The following PEX14 variants were observed in gnomAD, a reference collection of about 807,000 sequenced individuals.
PEX14 encodes peroxisomal membrane protein PEX14.
In PEX14, 15 loss-of-function variants were observed where a neutral mutation model predicts 49.5. The observed-to-expected ratio is 0.30, with a 90% CI of 0.20 to 0.47. PEX14 has a LOEUF of 0.47. PEX14 is among the 20% of genes least tolerant of loss of function. The pLI is 1.00. For synonymous variants in PEX14, 210 were observed against 212.7 expected (o/e 0.99, Z 0.11); for missense variants, 398 against 494.8 (o/e 0.80, Z 1.86).
intron 3 of PEX14, among the ~76,000 whole-genome samples, chr1:10,549,126 C>T (rs936232520): frequency 2.6e-5 from 4 of 151,188 alleles, no homozygotes; most frequent in Non-Finnish European, 4.4e-5. Context: ...CATGGTATGT[C>T]AGGAAAAAAA....
chr1:10,548,241 AAAAG>A (rs1172949926), intron 3 of PEX14, among the ~76,000 whole-genome samples: 1 of 152,118 alleles, frequency 6.6e-6, no homozygotes, highest in African/African-American at 2.4e-5. Flanking sequence ...AAACAAAACA[AAAAG>A]AAAAATTTCT....
intron 2 of PEX14, among the ~76,000 whole-genome samples, chr1:10,513,388 G>T (rs1641917226): frequency 6.6e-6 from 1 of 152,208 alleles, no homozygotes. Context: ...AGTCAACATG[G>T]TCTCAGTTCC....
intron 2 of PEX14, among the ~76,000 whole-genome samples, chr1:10,515,731 G>T (rs1330221376): frequency 2.6e-5 from 4 of 152,076 alleles, no homozygotes; most frequent in Non-Finnish European, 1.5e-5. Context: ...CCTTCACCCG[G>T]CTCTGGCTGC....
At chr1:10,520,148 C>CT (rs565247030) in intron 2 of PEX14, among the ~76,000 whole-genome samples, 20,714 of 69,234 alleles carry the variant, frequency 0.3, 2,239 homozygotes, top group South Asian at 0.51. Context: ...CCTTCTTCTT[C>CT]TTTTTTTTTT....
chr1:10,629,630 C>T lies in PEX14; in HGVS notation c.777C>T (p.His259=), dbSNP rs1641852488. ...SPSSPAAVNH[H]SSSDISPVSN... ...CCAGCCCTGCGGCCGTGAACCACCA[C>T]AGCAGCAGCGACATCTCACCTGTCA... The change falls in exon 9 of 9, where the codon CAC becomes CAT. Residue 259 remains histidine, a synonymous_variant. Transcript: ENST00000356607. The surrounding 1 kb of genome is among the most constrained non-coding windows in gnomAD (Gnocchi z 8.5). 1.2e-6 allele frequency: 2 copies of T among 1,613,924 alleles called. No homozygotes were observed. The highest frequency in any genetic ancestry group is 2.7e-5 in the African/African-American group (2 of 75,012).
chr1:10,601,845 G>T (rs1640993638), intron 4 of PEX14, among the ~76,000 whole-genome samples: 1 of 152,226 alleles, frequency 6.6e-6, no homozygotes, highest in Non-Finnish European at 1.5e-5. Context: ...GCCCAGCCGT[G>T]TAATGGGATT....
chr1:10,500,373 CAAAAAAAAAAA>C (rs750781683), intron 2 of PEX14, among the ~76,000 whole-genome samples: 49 of 43,682 alleles, frequency 1.1e-3, no homozygotes, highest in South Asian at 5.9e-3. Context: ...GATTCTGTCT[CAAAAAAAAAAA>C]AAAAAAAAAA....
At chr1:10,520,092 A>G (rs1013620386) in intron 2 of PEX14, among the ~76,000 whole-genome samples, 1 of 150,374 alleles carries the variant, frequency 6.7e-6, no homozygotes, top group East Asian at 2.0e-4. Flanking sequence ...CTCTCACTTC[A>G]GTCTCCCACA....
intron 2 of PEX14, among the ~76,000 whole-genome samples, chr1:10,520,148 C>CTTTTTTTTTTTTTGTT (rs1638232642): frequency 1.4e-5 from 1 of 69,162 alleles, no homozygotes; most frequent in Admixed American, 1.7e-4. Context: ...CCTTCTTCTT[C>CTTTTTTTTTTTTTGTT]TTTTTTTTTT....
rs191938969 is a variant in PEX14, at chr1:10,590,143, T to C, written c.170-9095T>C. Among the ~76,000 whole-genome samples the C allele has an allele frequency of 4.7e-3, 708 of 152,056 alleles. 3 individuals are homozygous for C. Among genetic ancestry groups the C allele is most frequent in the Non-Finnish European group, 7.9e-3 (534 of 67,984 alleles). ...GAGCCTCAGGCTCTTCCCCTGTAAA[T>C]GGGGAGAATCAAGTGTCTACTTCTG... On this transcript the variant is annotated intron_variant, in intron 3 of 8. Coordinates refer to ENST00000356607, the MANE Select transcript of PEX14 (RefSeq NM_004565.3).
At chr1:10,595,524 C>T (rs1046909569) in intron 3 of PEX14, among the ~76,000 whole-genome samples, 4 of 152,210 alleles carry the variant, frequency 2.6e-5, no homozygotes, top group Non-Finnish European at 5.9e-5. Flanking sequence ...ATAGGAAGAA[C>T]ATAAAGGCTT....
intron 4 of PEX14, among the ~76,000 whole-genome samples, chr1:10,605,385 C>A (rs1641097493): frequency 6.6e-6 from 1 of 152,192 alleles, no homozygotes; most frequent in Admixed American, 6.5e-5. Context: ...ACAGGGAAGA[C>A]CATCCCACGT....
At chr1:10,502,552 A>G (rs139093956) in intron 2 of PEX14, among the ~76,000 whole-genome samples, 1 of 152,356 alleles carries the variant, frequency 6.6e-6, no homozygotes, top group African/African-American at 2.4e-5. Context: ...AGATGAATCG[A>G]AACTCTTAGG....
Position 10,623,658 on chromosome 1 carries a change from G to A in PEX14, c.487+537G>A, listed in dbSNP as rs1023003975. Among the ~76,000 whole-genome samples, 5 of 152,140 alleles carry A rather than the reference G, an allele frequency of 3.3e-5. No individual in the cohort carries two copies. Among genetic ancestry groups the A allele is most frequent in the Middle Eastern group, 3.2e-3 (1 of 316 alleles). ...TTCTTTATAAACTTGTTTACTAGAC[G>A]GCAGCTCTGAATCTAAAAACCAGAG... is the stretch of plus-strand genomic sequence containing the variant. On this transcript the variant is annotated intron_variant, in intron 6 of 8. Coordinates refer to ENST00000356607, the MANE Select transcript of PEX14 (RefSeq NM_004565.3). The surrounding 1 kb of genome is among the most constrained non-coding windows in gnomAD (Gnocchi z 4.4).
intron 4 of PEX14, among the ~76,000 whole-genome samples, chr1:10,615,674 G>A (rs1168274863): frequency 1.3e-5 from 2 of 152,244 alleles, no homozygotes; most frequent in Non-Finnish European, 2.9e-5. Context: ...CCCCATGTGG[G>A]AGATGGCACG....
chr1:10,489,112 C>G (rs1641424640), intron 1 of PEX14, among the ~76,000 whole-genome samples: 1 of 152,174 alleles, frequency 6.6e-6, no homozygotes, highest in Non-Finnish European at 1.5e-5. Flanking sequence ...TCCCAAGTAG[C>G]TGGGATTACA....
At chr1:10,591,869 C>T (rs1640678475) in intron 3 of PEX14, among the ~76,000 whole-genome samples, 1 of 152,170 alleles carries the variant, frequency 6.6e-6, no homozygotes, top group Non-Finnish European at 1.5e-5. Context: ...ACAGAGAGCC[C>T]CGTGTGGGAA....
intron 2 of PEX14, among the ~76,000 whole-genome samples, chr1:10,508,975 C>T (rs183218122): frequency 3.3e-5 from 5 of 150,790 alleles, no homozygotes; most frequent in African/African-American, 1.2e-4. Flanking sequence ...CTCGCTCTGT[C>T]GCCCAGGCTA....
intron 1 of PEX14, among the ~76,000 whole-genome samples, chr1:10,488,883 C>T (rs1274746154): frequency 3.3e-5 from 5 of 152,172 alleles, no homozygotes; most frequent in African/African-American, 4.8e-5. Flanking sequence ...GTTGTAACAC[C>T]TGTCTTACTG....
Sources: allele counts gnomAD v4.1 joint callset (sites outside exome capture counted in the v4.1 genomes callset), GRCh38; gene constraint gnomAD v4.1.1; non-coding constraint Gnocchi (gnomAD v3.1); transcripts MANE v1.5; gene names NCBI Gene and HGNC (gene_info 2026-07-23, HGNC 2026-07-21).